Variants in MMRN2 observed in about 807,000 individuals in gnomAD.
MMRN2 encodes multimerin 2.
MMRN2 carries 53 observed loss-of-function variants against 68.8 expected under a neutral mutation model. That is an observed-to-expected ratio of 0.77 (90% confidence interval 0.62 to 0.97). The LOEUF is 0.97. Among genes scored for constraint, MMRN2 ranks in the 50% least tolerant of loss-of-function variants. The pLI is 0.00. For missense variants in MMRN2, 1,266 were observed against 1,259.5 expected, an observed-to-expected ratio of 1.01 and a Z score of -0.08; for synonymous variants, 564 against 551.6, an observed-to-expected ratio of 1.02 and a Z score of -0.32.
rs758197640 is a variant in MMRN2, at chr10:86,942,919, A to T, written c.1865T>A (p.Met622Lys). 1.3e-5 allele frequency: 19 copies of T among 1,493,428 alleles called. No individual in the cohort carries two copies. Among genetic ancestry groups the T allele is most frequent in the Non-Finnish European group, 1.5e-5 (17 of 1,122,046 alleles). 92.5% of individuals were successfully genotyped at this position (1,493,428 alleles called of 1,614,324 possible). The change falls in exon 6 of 7, where the codon ATG (methionine) becomes AAG (lysine). Residue 622 changes from methionine (M) to lysine (K), a missense_variant. Physicochemically the swap from Met to Lys is moderately conservative, Grantham distance 95. Transcript: ENST00000372027. ...ALFGEEVLEE[M>K]SEQTPGPLPL... ...CAGCGGTCCCGGCGTCTGCTCAGAC[A>T]TCTCCTCCAGCACCTCCTCCCCGAA... is the stretch of plus-strand genomic sequence containing the variant.
rs568418126 is a variant in MMRN2, at chr10:86,945,312, G to A, written c.401-44C>T. 3.9e-5 allele frequency: 63 copies of A among 1,610,574 alleles called. 1 individual carries two copies. In the South Asian group the frequency reaches 6.6e-4, roughly 17 times the overall value. ...GTTATTGACCCCAGTGGTCAGAGGA[G>A]CTGCTTGACCTTGGGGATCAGAGGT... On this transcript the variant is annotated intron_variant, in intron 3 of 6. Coordinates refer to ENST00000372027, the MANE Select transcript of MMRN2 (RefSeq NM_024756.3).
chr10:86,948,296 G>C (rs1260571366), intron 1 of MMRN2, among the ~76,000 whole-genome samples: 1 of 150,300 alleles, frequency 6.7e-6, no homozygotes, highest in Non-Finnish European at 1.5e-5. Context: ...AACTAAGACT[G>C]TGTAAGGAGA....
chr10:86,954,949 C>G (rs1844197554), intron 1 of MMRN2, among the ~76,000 whole-genome samples: 1 of 152,152 alleles, frequency 6.6e-6, no homozygotes, highest in African/African-American at 2.4e-5. Flanking sequence ...CTGGACTCCT[C>G]TGGGCCACAA....
At chr10:86,937,674 G>C (rs1030992032) in intron 6 of MMRN2, among the ~76,000 whole-genome samples, 5 of 152,138 alleles carry the variant, frequency 3.3e-5, no homozygotes, top group African/African-American at 1.2e-4. Flanking sequence ...ATCCTTCACC[G>C]GCTGCCCAAG....
chr10:86,945,101 G>T, intron 4 of MMRN2, 87 bp downstream of exon 4: 3 of 1,158,434 alleles, frequency 2.6e-6, no homozygotes, highest in Non-Finnish European at 2.5e-6. Flanking sequence ...TCCCTGAAAT[G>T]GCACTGCTGT....
Position 86,936,895 on chromosome 10 carries a change from T to C in MMRN2, c.2698A>G (p.Thr900Ala). ...GCTGTGCTTCCACTCCCCTGCCCAG[T>C]GGTACAGACTGGAGTCCGATGGTGA... is the stretch of plus-strand genomic sequence containing the variant. ...GGHHRTPVCTTGQGSGSTATV... is the reference protein window; with the variant it reads ...GGHHRTPVCTAGQGSGSTATV... Residue 900 changes from threonine to alanine, a missense_variant, in exon 7 of 7, where the codon ACT becomes GCT. Transcript: ENST00000372027. 1 of 1,614,200 alleles carries C rather than the reference T, an allele frequency of 6.2e-7. No homozygotes were observed. The highest frequency in any genetic ancestry group is 8.5e-7 in the Non-Finnish European group (1 of 1,180,032).
chr10:86,941,031 G>A (rs1251025752), intron 6 of MMRN2, among the ~76,000 whole-genome samples: 3 of 152,256 alleles, frequency 2.0e-5, no homozygotes, highest in African/African-American at 7.2e-5. Context: ...CTCCTCTGCT[G>A]CTCACTAGCT....
intron 2 of MMRN2, 41 bp from the exon 3 acceptor site, chr10:86,945,517 G>T (rs1440957182): frequency 6.4e-7 from 1 of 1,560,294 alleles, no homozygotes; most frequent in South Asian, 1.2e-5. Flanking sequence ...TCCAGGGAGG[G>T]CCCGCTCCAG....
chr10:86,951,600 T>C (rs1490558664), intron 1 of MMRN2, among the ~76,000 whole-genome samples: 1 of 152,170 alleles, frequency 6.6e-6, no homozygotes, highest in Non-Finnish European at 1.5e-5. Context: ...TGTGCTCCAA[T>C]AAAACTTTGT....
Position 86,942,505 on chromosome 10 carries a change from C to T in MMRN2, c.2279G>A (p.Gly760Glu), listed in dbSNP as rs1319405060. Residue 760 changes from glycine (G) to glutamate (E), a missense_variant, in exon 6 of 7, where the codon GGG becomes GAG. Transcript: ENST00000372027. Reference sequence around the variant, plus strand: ...CAGGCTGACGTTGGCTTCCATGAGCCCTTGGAAGTTCCCAAAGAGGCTGTG... The same window carrying T: ...CAGGCTGACGTTGGCTTCCATGAGCTCTTGGAAGTTCCCAAAGAGGCTGTG... ...LFHSLFGNFQGLMEANVSLDL... is the reference protein window; with the variant it reads ...LFHSLFGNFQELMEANVSLDL... 6.2e-7 allele frequency: 1 copy of T among 1,613,928 alleles called. No individual in the cohort carries two copies. Among genetic ancestry groups the T allele is most frequent in the African/African-American group, 1.3e-5 (1 of 74,956 alleles).
intron 1 of MMRN2, among the ~76,000 whole-genome samples, chr10:86,946,574 T>C (rs1378046143): frequency 1.3e-5 from 2 of 152,196 alleles, no homozygotes; most frequent in African/African-American, 4.8e-5. Context: ...TGTACTGTGG[T>C]GGTCCCAGGA....
chr10:86,951,396 A>G lies in MMRN2; in HGVS notation c.165-5707T>C, dbSNP rs1465425742. 2.0e-5 allele frequency among the ~76,000 whole-genome samples: 3 copies of G among 152,242 alleles called. No homozygotes were observed. The East Asian group carries it at 5.8e-4, about 29-fold the overall frequency. ...GCCTCTCCTTCAAAAAGTATGAAGA[A>G]TTTCAAGATGGTGACACCCAGGGTG... is the stretch of plus-strand genomic sequence containing the variant. On this transcript the variant is annotated intron_variant, in intron 1 of 6. Transcript: ENST00000372027.
At position 86,945,379 on chromosome 10, in the gene MMRN2, C is replaced by T. The variant is rs145900392; in HGVS notation, c.391G>A (p.Glu131Lys). The T allele has an allele frequency of 3.1e-6, 5 of 1,591,918 alleles. No individual in the cohort carries two copies. Among genetic ancestry groups the T allele is most frequent in the East Asian group, 2.3e-5 (1 of 44,160 alleles). The change falls in exon 3 of 7, where the codon GAG (glutamate) becomes AAG (lysine). Residue 131 changes from glutamate (E) to lysine (K), a missense_variant. By Grantham distance (56) the Glu-to-Lys change is moderately conservative. Transcript: ENST00000372027. ...CCPGYTGPNC[E>K]HHDSMAIPEP... ...CCGCAGGGAGCCCTACCGTGGTGCT[C>T]GCAGTTGGGGCCCGTGTAGCCAGGG... is the stretch of plus-strand genomic sequence containing the variant.
chr10:86,938,075 C>G (rs1843905846), intron 6 of MMRN2, among the ~76,000 whole-genome samples: 1 of 152,200 alleles, frequency 6.6e-6, no homozygotes, highest in Non-Finnish European at 1.5e-5. Flanking sequence ...GCTGGGTCTA[C>G]AGGCATACGC....
intron 6 of MMRN2, among the ~76,000 whole-genome samples, chr10:86,937,415 G>A (rs1843897004): frequency 6.6e-6 from 1 of 151,844 alleles, no homozygotes; most frequent in African/African-American, 2.4e-5. Context: ...CTGTCTCCCA[G>A]GCTGGAGTGC....
At chr10:86,944,774 C>G (rs1309796346) in intron 4 of MMRN2, among the ~76,000 whole-genome samples, 1 of 152,192 alleles carries the variant, frequency 6.6e-6, no homozygotes. Context: ...TTGGGCCCAG[C>G]CTTAAAGGGC....
Position 86,943,750 on chromosome 10 carries a change from T to C in MMRN2, c.1034A>G (p.Glu345Gly), listed in dbSNP as rs1411027218. 1.2e-6 allele frequency: 2 copies of C among 1,608,188 alleles called. No individual in the cohort carries two copies. The highest frequency in any genetic ancestry group is 1.7e-6 in the Non-Finnish European group (2 of 1,179,922). The change falls in exon 6 of 7, where the codon GAG becomes GGG. Residue 345 changes from glutamate to glycine, a missense_variant. By Grantham distance (98) the Glu-to-Gly change is moderately conservative. Coordinates refer to ENST00000372027, the MANE Select transcript of MMRN2 (RefSeq NM_024756.3). This position sits in a 1 kb window ranked among gnomAD's most constrained non-coding sequence, Gnocchi z 4.2. ...CAGACTGCCATTGGTCCCTGGGGCC[T>C]CCTGAGCCTTGTGCAGCCTCTTCAA... Reference protein sequence around the residue: ...TKLKRLHKAQEAPGTNGSLVL... With the variant: ...TKLKRLHKAQGAPGTNGSLVL...
At position 86,944,115 on chromosome 10, in the gene MMRN2, T is replaced by G; in HGVS notation, c.669A>C (p.Arg223Ser). The G allele has an allele frequency of 6.2e-7, 1 of 1,613,620 alleles. No homozygotes were observed. Among genetic ancestry groups the G allele is most frequent in the East Asian group, 2.2e-5 (1 of 44,872 alleles). ...GGGGTAGCAGCACCTGCTCCAAGGATCTATCAGGGAACTCTGCAACAGACA... is the reference window on the plus strand; with the variant it reads ...GGGGTAGCAGCACCTGCTCCAAGGAGCTATCAGGGAACTCTGCAACAGACA... ...ANQTGHEFPD[R>S]SLEQVLLPHV... The change falls in exon 6 of 7, where the codon AGA becomes AGC. Residue 223 changes from arginine to serine, a missense_variant. Coordinates refer to ENST00000372027, the MANE Select transcript of MMRN2 (RefSeq NM_024756.3).
At chr10:86,937,510 C>T (rs990791462) in intron 6 of MMRN2, among the ~76,000 whole-genome samples, 1 of 150,850 alleles carries the variant, frequency 6.6e-6, no homozygotes, top group Non-Finnish European at 1.5e-5. Context: ...TGATCTGGAG[C>T]TCCTGGGCTC....
Sources: allele counts gnomAD v4.1 joint callset (sites outside exome capture counted in the v4.1 genomes callset), GRCh38; gene constraint gnomAD v4.1.1; non-coding constraint Gnocchi (gnomAD v3.1); transcripts MANE v1.5; gene names NCBI Gene and HGNC (gene_info 2026-07-23, HGNC 2026-07-21).